Variants in DOCK2 observed in about 807,000 individuals in gnomAD.
DOCK2 encodes the protein dedicator of cytokinesis 2.
A neutral mutation model predicts 248.9 loss-of-function variants in DOCK2; 87 were observed. The ratio of observed to expected loss-of-function variants is 0.35; its 90% CI spans 0.29 to 0.42. DOCK2 has a LOEUF of 0.42. DOCK2 is among the 10% of genes least tolerant of loss of function. The pLI is 1.00. For synonymous variants in DOCK2, 805 were observed against 821.6 expected (o/e 0.98, Z 0.35); for missense variants, 1,747 against 2,300.2 (o/e 0.76, Z 4.92).
chr5:169,994,463 G>A (rs903424686), intron 29 of DOCK2, among the ~76,000 whole-genome samples: 4 of 152,134 alleles, frequency 2.6e-5, no homozygotes, highest in South Asian at 2.1e-4. Flanking sequence ...TTAGAGATGC[G>A]GCTGCACACA....
intron 30 of DOCK2, among the ~76,000 whole-genome samples, chr5:169,999,416 C>G (rs1163714855): frequency 6.6e-6 from 1 of 152,106 alleles, no homozygotes; most frequent in African/African-American, 2.4e-5. Flanking sequence ...AGTGTTAGCT[C>G]ATTATAATAA....
intron 27 of DOCK2, among the ~76,000 whole-genome samples, chr5:169,899,198 T>A (rs1304613903): frequency 1.3e-5 from 2 of 152,208 alleles, no homozygotes; most frequent in Non-Finnish European, 1.5e-5. Context: ...ACAAGGTGGC[T>A]GCTGAAGTGA....
At chr5:169,675,516 A>C (rs1456752656) in intron 6 of DOCK2, among the ~76,000 whole-genome samples, 2 of 152,204 alleles carry the variant, frequency 1.3e-5, no homozygotes, top group East Asian at 3.8e-4. Flanking sequence ...GTACTGTGAG[A>C]AGTTCGATAG....
intron 50 of DOCK2, 55 bp downstream of exon 50, chr5:170,080,338 C>T: frequency 6.2e-7 from 1 of 1,603,788 alleles, no homozygotes; most frequent in African/African-American, 1.3e-5. Context: ...AGGCCACCAG[C>T]CTTGTGGGTG....
intron 27 of DOCK2, among the ~76,000 whole-genome samples, chr5:169,959,111 G>A (rs963408274): frequency 1.3e-5 from 2 of 152,232 alleles, no homozygotes; most frequent in Middle Eastern, 3.4e-3. Flanking sequence ...AGCACAAACT[G>A]GCTGGGCATG....
At chr5:169,816,837 C>T (rs866988475) in intron 26 of DOCK2, among the ~76,000 whole-genome samples, 8 of 152,096 alleles carry the variant, frequency 5.3e-5, no homozygotes, top group African/African-American at 1.4e-4. Context: ...ACAGTCAATG[C>T]GGTTATATTC....
chr5:169,833,751 A>G (rs1769382670), intron 26 of DOCK2, among the ~76,000 whole-genome samples: 1 of 152,248 alleles, frequency 6.6e-6, no homozygotes, highest in South Asian at 2.1e-4. Flanking sequence ...TAAAACCTCC[A>G]GCACTTTCCT....
intron 27 of DOCK2, among the ~76,000 whole-genome samples, chr5:169,976,954 G>A (rs1180498268): frequency 1.3e-5 from 2 of 152,228 alleles, no homozygotes; most frequent in Non-Finnish European, 2.9e-5. Context: ...GGATCAAAAA[G>A]CTTCTTAGGA....
intron 23 of DOCK2, among the ~76,000 whole-genome samples, chr5:169,753,926 G>A (rs566403319): frequency 1.3e-5 from 2 of 152,260 alleles, no homozygotes; most frequent in East Asian, 3.9e-4. Context: ...ATCATCCACT[G>A]CTTGGCTAAA....
At chr5:169,781,745 G>A (rs1765724468) in intron 25 of DOCK2, among the ~76,000 whole-genome samples, 1 of 152,146 alleles carries the variant, frequency 6.6e-6, no homozygotes, top group African/African-American at 2.4e-5. Context: ...CATGGGACCT[G>A]GAACTCTACC....
chr5:169,931,715 C>T (rs568063680), intron 27 of DOCK2, among the ~76,000 whole-genome samples: 37 of 152,280 alleles, frequency 2.4e-4, no homozygotes, highest in African/African-American at 8.2e-4. Context: ...GTTCCTAGCA[C>T]AGTAGCTCAC....
In DOCK2 at chr5:169,792,830, T is replaced by C. The variant is rs1383373742; in HGVS notation, c.2555-10228T>C. Reference sequence around the variant, plus strand: ...TTTTGGGTCCCAATTCAATTGGCCATATATGCATTTTTATTTTTCTAAAAG... The same window carrying C: ...TTTTGGGTCCCAATTCAATTGGCCACATATGCATTTTTATTTTTCTAAAAG... On this transcript the variant is annotated intron_variant, in intron 25 of 51. Coordinates refer to ENST00000520908, the MANE Select transcript of DOCK2 (RefSeq NM_004946.3). Among the ~76,000 whole-genome samples, 3 of 152,222 alleles carry C rather than the reference T, an allele frequency of 2.0e-5. No individual in the cohort carries two copies. In the East Asian group the frequency reaches 5.8e-4, roughly 29 times the overall value.
intron 37 of DOCK2, among the ~76,000 whole-genome samples, 157 bp downstream of exon 37, chr5:170,041,302 T>C (rs932531220): frequency 2.0e-5 from 3 of 152,234 alleles, no homozygotes; most frequent in Admixed American, 6.5e-5. Context: ...CTTTTTGCAC[T>C]GCTTCCCTGG....
rs115963117 is a variant in DOCK2, at chr5:169,701,173, C to G, written c.1258+1034C>G. On this transcript the variant is annotated intron_variant, in intron 13 of 51. Transcript: ENST00000520908. ...AGGCCTTCTCTGTCTATAAAGCCAA[C>G]CTCTTCTGCTCAGCTCTTTGGAATA... is the stretch of plus-strand genomic sequence containing the variant. Among the ~76,000 whole-genome samples, 546 of 152,330 alleles carry G rather than the reference C, an allele frequency of 3.6e-3. 3 individuals are homozygous for G. Among genetic ancestry groups the G allele is most frequent in the African/African-American group, 0.013 (532 of 41,576 alleles).
At chr5:170,057,015 G>C in intron 43 of DOCK2, 1 of 488,214 alleles carries the variant, frequency 2.0e-6, no homozygotes, top group African/African-American at 2.0e-5. Flanking sequence ...CAACCACAGG[G>C]CATTCAGGCA....
At chr5:169,904,003 G>A (rs1218668671) in intron 27 of DOCK2, among the ~76,000 whole-genome samples, 1 of 147,986 alleles carries the variant, frequency 6.8e-6, no homozygotes, top group Non-Finnish European at 1.5e-5. Flanking sequence ...TGAGGCATGA[G>A]AATTGCTTGA....
intron 26 of DOCK2, among the ~76,000 whole-genome samples, chr5:169,828,743 T>C (rs989630559): frequency 1.4e-4 from 21 of 152,214 alleles, no homozygotes; most frequent in Non-Finnish European, 2.6e-4. Flanking sequence ...GATCCTCTAT[T>C]CTAGCTCCAC....
chr5:169,796,205 C>T (rs142401827), intron 25 of DOCK2, among the ~76,000 whole-genome samples: 13 of 152,256 alleles, frequency 8.5e-5, no homozygotes, highest in Admixed American at 3.9e-4. Flanking sequence ...AGAGAAGTAC[C>T]GTGCACTACA....
chr5:169,850,671 C>T (rs996597929), intron 27 of DOCK2, among the ~76,000 whole-genome samples: 14 of 152,096 alleles, frequency 9.2e-5, no homozygotes, highest in Non-Finnish European at 1.3e-4. Flanking sequence ...TTTCTGGAGG[C>T]GGAAGCATTG....
Sources: gnomAD v4.1 joint callset for allele counts (sites outside exome capture counted in the v4.1 genomes callset) on GRCh38, gnomAD v4.1.1 for gene constraint, MANE v1.5 for transcripts, NCBI Gene and HGNC (gene_info 2026-07-23, HGNC 2026-07-21) for gene names.